CFTR: variants seen among roughly 807,000 people sequenced by gnomAD.
The protein encoded by CFTR is CF transmembrane conductance regulator.
CFTR carries 181 observed loss-of-function variants against 171.6 expected under a neutral mutation model. The ratio of observed to expected loss-of-function variants is 1.05; its 90% CI spans 0.93 to 1.19. The LOEUF (loss-of-function observed/expected upper bound fraction) is 1.19, where lower values mean the gene tolerates loss of function less well. Among genes scored for constraint, CFTR ranks in the 50% most tolerant of loss-of-function variants. The pLI is 0.00. For synonymous variants in CFTR, 583 were observed against 608.0 expected, an observed-to-expected ratio of 0.96 and a Z score of 0.60; for missense variants, 1,968 against 1,734.7, an observed-to-expected ratio of 1.13 and a Z score of -2.39.
At chr7:117,616,811 C>G (rs540319395) in intron 21 of CFTR, among the ~76,000 whole-genome samples, 4 of 152,066 alleles carry the variant, frequency 2.6e-5, no homozygotes, top group Non-Finnish European at 5.9e-5. Flanking sequence ...GTTTGAATAT[C>G]AAAGCTAATA....
At chr7:117,628,058 T>C in intron 22 of CFTR, 1 of 262,200 alleles carries the variant, frequency 3.8e-6, no homozygotes, top group South Asian at 7.5e-5. Context: ...ATCAAAATTG[T>C]AACATGTTTT....
intron 24 of CFTR, among the ~76,000 whole-genome samples, chr7:117,654,525 A>T (rs2116199453): frequency 6.6e-6 from 1 of 152,154 alleles, no homozygotes; most frequent in Admixed American, 6.5e-5. Context: ...ACCTGGTGAG[A>T]GGTGACTGGA....
chr7:117,573,059 GCT>G (rs201586646), intron 11 of CFTR, among the ~76,000 whole-genome samples: 1 of 87,280 alleles, frequency 1.1e-5, no homozygotes, highest in African/African-American at 3.8e-5. Flanking sequence ...TCTCTCTCTT[GCT>G]CTCTCTCTCT....
At chr7:117,513,170 C>G (rs1057260018) in intron 3 of CFTR, among the ~76,000 whole-genome samples, 2 of 151,998 alleles carry the variant, frequency 1.3e-5, no homozygotes, top group African/African-American at 4.8e-5. Context: ...TACATGGGAG[C>G]CTTCAGGATG....
At position 117,603,719 on chromosome 7, in the gene CFTR, C is replaced by T. The variant is rs121909035; in HGVS notation, c.2845C>T (p.His949Tyr). Residue 949 changes from histidine (H) to tyrosine (Y), a missense_variant, in exon 17 of 27, where the codon CAC becomes TAC. Physicochemically the swap from His to Tyr is moderately conservative, Grantham distance 83. Transcript: ENST00000003084. Reference protein sequence around the residue: ...HTLITVSKILHHKMLHSVLQA... With the variant: ...HTLITVSKILYHKMLHSVLQA... ...TCTAATCACAGTGTCGAAAATTTTA[C>T]ACCACAAAATGTTACATTCTGTTCT... 5 of 1,614,018 alleles carry T rather than the reference C, an allele frequency of 3.1e-6. No individual in the cohort carries two copies. The highest frequency in any genetic ancestry group is 1.6e-4 in the Middle Eastern group (1 of 6,062).
In CFTR at chr7:117,494,110, A is replaced by G. The variant is rs34593753; in HGVS notation, c.54-10143A>G. On this transcript the variant is annotated intron_variant, in intron 1 of 26. Coordinates refer to ENST00000003084, the MANE Select transcript of CFTR (RefSeq NM_000492.4). ...ACCAGCTTTGTCATTGTGATGCAGC[A>G]TCAGTTTCAGTATTATCCTTGGAGT... 3.3e-3 allele frequency among the ~76,000 whole-genome samples: 508 copies of G among 152,260 alleles called. 4 individuals are homozygous for G. Among genetic ancestry groups the G allele is most frequent in the African/African-American group, 8.4e-3 (350 of 41,568 alleles).
rs1010996468 is a variant in CFTR, at chr7:117,666,905, T to C, written c.4243-3T>C. On this transcript the variant is annotated splice_polypyrimidine_tract_variant and splice_region_variant and intron_variant, in intron 26 of 26. Transcript: ENST00000003084. ...CAGATCTCACTAACAGCCATTTCCC[T>C]AGGTCATAGAAGAGAACAAAGTGCG... is the stretch of plus-strand genomic sequence containing the variant. 1.2e-6 allele frequency: 2 copies of C among 1,613,794 alleles called. No individual in the cohort carries two copies. The highest frequency in any genetic ancestry group is 1.3e-5 in the African/African-American group (1 of 74,910).
At chr7:117,575,133 T>C (rs1791752217) in intron 11 of CFTR, among the ~76,000 whole-genome samples, 1 of 152,150 alleles carries the variant, frequency 6.6e-6, no homozygotes, top group African/African-American at 2.4e-5. Context: ...AGTCATATGA[T>C]ACATACACAC....
intron 18 of CFTR, among the ~76,000 whole-genome samples, chr7:117,608,941 C>A (rs1318417093): frequency 6.6e-5 from 10 of 152,048 alleles, no homozygotes; most frequent in Admixed American, 6.5e-4. Flanking sequence ...ATGAGATTTA[C>A]CCTCTTAACA....
intron 1 of CFTR, among the ~76,000 whole-genome samples, chr7:117,490,312 T>TACACACACACACACACACACAC (rs3034759): frequency 7.3e-6 from 1 of 136,788 alleles, no homozygotes; most frequent in Non-Finnish European, 1.6e-5. Flanking sequence ...GAACCAATGA[T>TACACACACACACACACACACAC]ACACACACAC....
At chr7:117,589,394 T>C (rs1332685487) in intron 12 of CFTR, among the ~76,000 whole-genome samples, 3 of 152,076 alleles carry the variant, frequency 2.0e-5, no homozygotes, top group African/African-American at 4.8e-5. Context: ...AATTGTGTGC[T>C]GAATACAATT....
chr7:117,652,684 T>TA lies in CFTR; in HGVS notation c.3874-154dup, dbSNP rs1793105637. Among the ~76,000 whole-genome samples the TA allele has an allele frequency of 2.0e-5, 3 of 152,242 alleles. 1 individual carries two copies. The South Asian group carries it at 6.2e-4, about 32-fold the overall frequency. ...AAAGAATGATACAAAGCAGACATGA[T>TA]AAAATATTAAAATTTGAGAGAACTT... On this transcript the variant is annotated intron_variant, in intron 23 of 26. Transcript: ENST00000003084.
chr7:117,498,654 T>C (rs1798275178), intron 1 of CFTR, among the ~76,000 whole-genome samples: 1 of 152,202 alleles, frequency 6.6e-6, no homozygotes, highest in South Asian at 2.1e-4. Context: ...AATATCCTTA[T>C]AGACACTAGA....
intron 1 of CFTR, among the ~76,000 whole-genome samples, chr7:117,485,088 A>T (rs1285710965): frequency 6.6e-6 from 1 of 152,190 alleles, no homozygotes; most frequent in East Asian, 1.9e-4. Flanking sequence ...TCAATACATA[A>T]ATGTTAACAC....
intron 2 of CFTR, among the ~76,000 whole-genome samples, chr7:117,505,880 A>G (rs1169310986): frequency 6.6e-6 from 1 of 152,206 alleles, no homozygotes; most frequent in Non-Finnish European, 1.5e-5. Flanking sequence ...GATTTTATTC[A>G]AAGAATTAAG....
chr7:117,665,468 A>G lies in CFTR; in HGVS notation c.4146A>G (p.Gln1382=), dbSNP rs765036437. The G allele has an allele frequency of 1.3e-6, 2 of 1,599,132 alleles. No homozygotes were observed. The highest frequency in any genetic ancestry group is 1.7e-6 in the Non-Finnish European group (2 of 1,166,522). The change falls in exon 26 of 27, where the codon CAA becomes CAG. Residue 1382 remains glutamine (Q), a synonymous_variant. Transcript: ENST00000003084. ...TTTCTTTCTTTTCTAGAACATACCA[A>G]ATAATTAGAAGAACTCTAAAACAAG... ...PSAHLDPVTY[Q]IIRRTLKQAF...
intron 1 of CFTR, among the ~76,000 whole-genome samples, chr7:117,485,151 G>A (rs890615588): frequency 1.1e-4 from 17 of 152,306 alleles, no homozygotes; most frequent in African/African-American, 4.1e-4. Context: ...ATTATTGCTA[G>A]TGTCATTTCA....
intron 17 of CFTR, chr7:117,604,853 T>C (rs1792279149): frequency 6.6e-6 from 1 of 152,180 alleles, no homozygotes; most frequent in East Asian, 1.9e-4. Flanking sequence ...GCAGGGGATT[T>C]GCCCACATTT....
chr7:117,557,007 C>T lies in CFTR; in HGVS notation c.1393-2457C>T, dbSNP rs539807445. ...CTTTATTAATTATTCTATTTTTCTT[C>T]GCTTTTTTGTTGTTTTTCTAGTTTT... On this transcript the variant is annotated intron_variant, in intron 10 of 26. Transcript: ENST00000003084. Among the ~76,000 whole-genome samples, 7 of 151,830 alleles carry T rather than the reference C, an allele frequency of 4.6e-5. 1 individual carries two copies. The South Asian group carries it at 6.2e-4, about 14-fold the overall frequency.
Sources: gnomAD v4.1 joint callset for allele counts (sites outside exome capture counted in the v4.1 genomes callset) on GRCh38, gnomAD v4.1.1 for gene constraint, MANE v1.5 for transcripts, NCBI Gene and HGNC (gene_info 2026-07-23, HGNC 2026-07-21) for gene names.